Variants in CDK14 observed in about 807,000 individuals in gnomAD.
CDK14 encodes the protein cyclin-dependent kinase 14.
Under a neutral mutation model 60.7 loss-of-function variants are expected in CDK14, and 34 were observed. The observed-to-expected ratio is 0.56, with a 90% CI of 0.43 to 0.75. CDK14 has a LOEUF of 0.75. Ranked by LOEUF, CDK14 falls within the 30% of genes least tolerant of loss-of-function variation. The probability of loss-of-function intolerance (pLI) is 0.00; values close to 1 mark genes in which losing one functional copy is unlikely to be tolerated. For synonymous variants in CDK14, 197 were observed against 203.7 expected, an observed-to-expected ratio of 0.97 and a Z score of 0.28; for missense variants, 482 against 564.1, an observed-to-expected ratio of 0.85 and a Z score of 1.47.
At chr7:90,719,909 C>T (rs1347674459) in intron 2 of CDK14, among the ~76,000 whole-genome samples, 4 of 152,132 alleles carry the variant, frequency 2.6e-5, no homozygotes, top group Non-Finnish European at 5.9e-5. Flanking sequence ...TGTTTTCACA[C>T]GATACTGATA....
intron 14 of CDK14, among the ~76,000 whole-genome samples, chr7:91,142,761 A>G (rs1181024600): frequency 6.6e-6 from 1 of 152,256 alleles, no homozygotes; most frequent in Non-Finnish European, 1.5e-5. Flanking sequence ...ATGTGCATAT[A>G]GTTTCAGGGG....
At chr7:90,716,817 C>T (rs1802263995) in intron 2 of CDK14, among the ~76,000 whole-genome samples, 1 of 152,066 alleles carries the variant, frequency 6.6e-6, no homozygotes. Flanking sequence ...TCTCTACAAT[C>T]ACAATCTCTT....
chr7:90,751,157 A>C (rs1803828764), intron 4 of CDK14, among the ~76,000 whole-genome samples: 1 of 152,188 alleles, frequency 6.6e-6, no homozygotes, highest in South Asian at 2.1e-4. Context: ...AGAGAGGTGA[A>C]TATCCAGATT....
intron 14 of CDK14, among the ~76,000 whole-genome samples, chr7:91,192,111 A>G (rs1414168286): frequency 6.6e-6 from 1 of 152,142 alleles, no homozygotes; most frequent in African/African-American, 2.4e-5. Context: ...CCTAGCAAGG[A>G]AGGCACAAGT....
At chr7:90,998,682 A>G (rs1383981367) in intron 10 of CDK14, among the ~76,000 whole-genome samples, 1 of 152,124 alleles carries the variant, frequency 6.6e-6, no homozygotes, top group Non-Finnish European at 1.5e-5. Context: ...AAGTCAGGAG[A>G]TCAAGATCGT....
chr7:90,758,929 A>C (rs1804198232), intron 4 of CDK14, among the ~76,000 whole-genome samples: 1 of 151,972 alleles, frequency 6.6e-6, no homozygotes, highest in Admixed American at 6.6e-5. Flanking sequence ...GGTGGCATGC[A>C]CTTACAATCC....
chr7:90,701,680 T>G (rs1264173729), intron 2 of CDK14, among the ~76,000 whole-genome samples: 3 of 152,182 alleles, frequency 2.0e-5, no homozygotes, highest in African/African-American at 7.2e-5. Context: ...GCACTCTTGA[T>G]TATAAGGAGC....
At chr7:90,606,466 C>T (rs558476890) in intron 2 of CDK14, among the ~76,000 whole-genome samples, 1 of 152,260 alleles carries the variant, frequency 6.6e-6, no homozygotes, top group South Asian at 2.1e-4. Context: ...TCATTGCCTT[C>T]ATCATCACCA....
At chr7:91,073,029 A>G (rs1411531613) in intron 11 of CDK14, among the ~76,000 whole-genome samples, 1 of 152,208 alleles carries the variant, frequency 6.6e-6, no homozygotes, top group African/African-American at 2.4e-5. Flanking sequence ...GTAAAAAGAC[A>G]GAACCTACAA....
chr7:90,794,950 T>C (rs180929741), intron 5 of CDK14, among the ~76,000 whole-genome samples: 4 of 152,224 alleles, frequency 2.6e-5, no homozygotes, highest in African/African-American at 9.6e-5. Context: ...TCACAATTTA[T>C]GTTCTTCTGC....
intron 5 of CDK14, among the ~76,000 whole-genome samples, chr7:90,829,591 G>T (rs1390803756): frequency 6.6e-6 from 1 of 152,070 alleles, no homozygotes; most frequent in African/African-American, 2.4e-5. Flanking sequence ...GAGTGCAGTG[G>T]CATGATTTTG....
rs765512141 is a variant in CDK14, at chr7:90,742,077, C to T, written c.370-5604C>T. The stretch of plus-strand genomic sequence containing the variant: ...ATATTTCTTAGAATTTTTGCTCCTA[C>T]GTTTGTGATACTTGGCCTTTTGTTT... On this transcript the variant is annotated intron_variant, in intron 3 of 14. Coordinates refer to ENST00000380050, the MANE Select transcript of CDK14 (RefSeq NM_001287135.2). Among the ~76,000 whole-genome samples the T allele has an allele frequency of 4.7e-4, 72 of 151,948 alleles. 1 individual carries two copies. Among genetic ancestry groups the T allele is most frequent in the Admixed American group, 4.5e-3 (68 of 15,268 alleles).
chr7:91,084,254 A>C (rs569897186), intron 12 of CDK14, among the ~76,000 whole-genome samples: 4 of 152,216 alleles, frequency 2.6e-5, no homozygotes. Context: ...CGCCGCAGCC[A>C]TGGGTGGGGA....
intron 2 of CDK14, among the ~76,000 whole-genome samples, chr7:90,672,502 G>GTTTTTTT (rs201978996): frequency 8.0e-5 from 4 of 49,996 alleles, no homozygotes; most frequent in South Asian, 1.1e-3. Context: ...TTCTTCTTCT[G>GTTTTTTT]TTTTTTTTTT....
At chr7:90,658,237 G>A (rs928734555) in intron 2 of CDK14, among the ~76,000 whole-genome samples, 4 of 152,122 alleles carry the variant, frequency 2.6e-5, no homozygotes, top group Non-Finnish European at 5.9e-5. Flanking sequence ...ATCTTAGACT[G>A]GGTGACTTAT....
chr7:90,956,450 G>C (rs1338882896), intron 9 of CDK14, among the ~76,000 whole-genome samples: 1 of 152,054 alleles, frequency 6.6e-6, no homozygotes, highest in African/African-American at 2.4e-5. Flanking sequence ...AACTAAGTGT[G>C]ATCCAAATCA....
At chr7:90,699,930 C>T (rs1440725444) in intron 2 of CDK14, among the ~76,000 whole-genome samples, 1 of 152,030 alleles carries the variant, frequency 6.6e-6, no homozygotes, top group Non-Finnish European at 1.5e-5. Flanking sequence ...TCTATTAGGC[C>T]TTTGTATTGT....
chr7:90,878,980 A>G (rs1048916747), intron 6 of CDK14, among the ~76,000 whole-genome samples: 1 of 152,220 alleles, frequency 6.6e-6, no homozygotes. Context: ...CCATATTGCT[A>G]TTCCCAAATA....
chr7:90,685,991 G>A (rs1018586080), intron 2 of CDK14, among the ~76,000 whole-genome samples: 1 of 151,700 alleles, frequency 6.6e-6, no homozygotes, highest in African/African-American at 2.4e-5. Context: ...TTTTAGTATT[G>A]GTACATAAGA....
Sources: gnomAD v4.1 joint callset for allele counts (sites outside exome capture counted in the v4.1 genomes callset) on GRCh38, gnomAD v4.1.1 for gene constraint, MANE v1.5 for transcripts, NCBI Gene and HGNC (gene_info 2026-07-23, HGNC 2026-07-21) for gene names.